The following TNRC6B variants were observed in gnomAD, a reference collection of about 807,000 sequenced individuals.
TNRC6B encodes trinucleotide repeat containing adaptor 6B, also known as trinucleotide repeat-containing gene 6B protein.
A neutral mutation model predicts 203.6 loss-of-function variants in TNRC6B; 52 were observed. The ratio of observed to expected loss-of-function variants is 0.26; its 90% CI spans 0.20 to 0.32. The LOEUF (loss-of-function observed/expected upper bound fraction) is 0.32, where lower values mean the gene tolerates loss of function less well. Ranked by LOEUF, TNRC6B falls within the 10% of genes least tolerant of loss-of-function variation. The pLI is 1.00. For missense variants in TNRC6B, 1,923 were observed against 2,286.2 expected (o/e 0.84, Z 3.24); for synonymous variants, 838 against 845.7 (o/e 0.99, Z 0.16).
In TNRC6B at chr22:40,324,138, G is replaced by A. The variant is rs2071374409; in HGVS notation, c.*897G>A. On this transcript the variant is annotated 3_prime_UTR_variant, in exon 23 of 23. Coordinates refer to ENST00000454349, the MANE Select transcript of TNRC6B (RefSeq NM_001162501.2). The stretch of plus-strand genomic sequence containing the variant: ...TAAGATGAACAGAGTGCTTTTTAAT[G>A]ATGAAAGCAGGGAGCTCCTTTCCAT... 1 of 152,632 alleles carries A rather than the reference G, an allele frequency of 6.6e-6. No homozygotes were observed. The highest frequency in any genetic ancestry group is 1.5e-5 in the Non-Finnish European group (1 of 68,030). The allele number at this position is 152,632 out of a possible 1,614,324, so 9.5% of individuals were successfully genotyped here.
chr22:40,072,467 A>C (rs1354628159), intron 1 of TNRC6B, among the ~76,000 whole-genome samples: 2 of 152,200 alleles, frequency 1.3e-5, no homozygotes, highest in Non-Finnish European at 2.9e-5. Flanking sequence ...GCATTTAAAC[A>C]TGAATGTCCT....
At chr22:40,141,170 C>T (rs2068641175) in intron 3 of TNRC6B, among the ~76,000 whole-genome samples, 1 of 134,938 alleles carries the variant, frequency 7.4e-6, no homozygotes, top group Non-Finnish European at 1.6e-5. Flanking sequence ...GTGGAGTTAA[C>T]TTCTTTCCAT....
intron 2 of TNRC6B, among the ~76,000 whole-genome samples, chr22:40,119,453 A>G (rs1312741188): frequency 6.6e-6 from 1 of 152,158 alleles, no homozygotes; most frequent in Non-Finnish European, 1.5e-5. Flanking sequence ...GCGTGGTGGC[A>G]CGTGCCTGTA....
intron 1 of TNRC6B, among the ~76,000 whole-genome samples, chr22:40,085,875 T>A (rs574030300): frequency 1.2e-4 from 18 of 151,904 alleles, no homozygotes; most frequent in Admixed American, 2.0e-4. Context: ...GTTGTTGTTG[T>A]TGTTGTTGTT....
chr22:40,067,259 T>C (rs908593473), intron 1 of TNRC6B, among the ~76,000 whole-genome samples: 2 of 152,122 alleles, frequency 1.3e-5, no homozygotes, highest in African/African-American at 2.4e-5. Context: ...TATAATGCCT[T>C]CGTAAGTTTA....
intron 1 of TNRC6B, among the ~76,000 whole-genome samples, chr22:40,055,725 C>G (rs1446025272): frequency 6.6e-6 from 1 of 152,162 alleles, no homozygotes; most frequent in African/African-American, 2.4e-5. Flanking sequence ...AGTGGTGACT[C>G]ATTTAAGCTT....
At chr22:40,233,062 C>T (rs867395591) in intron 1 of TNRC6B, among the ~76,000 whole-genome samples, 2 of 151,928 alleles carry the variant, frequency 1.3e-5, no homozygotes, top group East Asian at 1.9e-4. Context: ...GCAGGAGAAT[C>T]GCTTGCACCC....
chr22:40,266,192 G>C lies in TNRC6B; in HGVS notation c.1962G>C (p.Glu654Asp). The C allele has an allele frequency of 6.2e-7, 1 of 1,612,854 alleles. No individual in the cohort carries two copies. The highest frequency in any genetic ancestry group is 8.5e-7 in the Non-Finnish European group (1 of 1,179,354). The change falls in exon 5 of 23, where the codon GAG (glutamate) becomes GAC (aspartate). Residue 654 changes from glutamate (E) to aspartate (D), a missense_variant. By Grantham distance (45) the Glu-to-Asp change is conservative. Around this residue, in one of 8 missense-constraint regions of TNRC6B, gnomAD observed 38 missense variants for 70.3 expected, o/e 0.54. Transcript: ENST00000454349. ...CTGACAAAGGAACTGAGGGGTGGGA[G>C]AGCGCTGCCACACAGACCAAGAACT... ...GKSDKGTEGW[E>D]SAATQTKNSG...
At chr22:40,075,035 GT>G (rs1426461351) in intron 1 of TNRC6B, among the ~76,000 whole-genome samples, 1 of 150,490 alleles carries the variant, frequency 6.6e-6, no homozygotes, top group Non-Finnish European at 1.5e-5. Context: ...GGTCTTCTTT[GT>G]GAATAGTTCT....
chr22:40,254,774 C>G (rs1461265949), intron 3 of TNRC6B, among the ~76,000 whole-genome samples: 1 of 152,130 alleles, frequency 6.6e-6, no homozygotes, highest in Non-Finnish European at 1.5e-5. Flanking sequence ...GTAGTCCCAA[C>G]TACTCAGGAG....
At chr22:40,243,149 G>C (rs1018785091) in intron 1 of TNRC6B, among the ~76,000 whole-genome samples, 1 of 152,146 alleles carries the variant, frequency 6.6e-6, no homozygotes, top group African/African-American at 2.4e-5. Flanking sequence ...GATTACAGGC[G>C]TGAGCCACCG....
In TNRC6B at chr22:40,264,704, T is replaced by C. The variant is rs746434564; in HGVS notation, c.474T>C (p.Gly158=). Residue 158 remains glycine (G), a synonymous_variant, in exon 5 of 23, where the codon GGT becomes GGC. Coordinates refer to ENST00000454349, the MANE Select transcript of TNRC6B (RefSeq NM_001162501.2). The stretch of plus-strand genomic sequence containing the variant: ...GTTCCCCAGACTCAACCCTTGGAGG[T>C]GCTGCTGCTTCAAATTATGCAAATT... The part of the protein sequence containing the change: ...SGTAPDSTLG[G]AAASNYANST... 7 of 1,594,786 alleles carry C rather than the reference T, an allele frequency of 4.4e-6. No homozygotes were observed. Among genetic ancestry groups the C allele is most frequent in the Non-Finnish European group, 6.0e-6 (7 of 1,169,376 alleles).
At chr22:40,258,507 G>A (rs1304201723) in intron 3 of TNRC6B, among the ~76,000 whole-genome samples, 1 of 152,176 alleles carries the variant, frequency 6.6e-6, no homozygotes, top group Non-Finnish European at 1.5e-5. Flanking sequence ...AAAAAATAGA[G>A]TAAGAATTCA....
chr22:40,277,251 G>C, intron 8 of TNRC6B, 100 bp downstream of exon 8: 5 of 836,952 alleles, frequency 6.0e-6, no homozygotes, highest in Non-Finnish European at 8.8e-6. Flanking sequence ...CAAAATTAAA[G>C]ATTTAAAAAC....
chr22:40,221,115 C>G (rs987172461), intron 1 of TNRC6B, among the ~76,000 whole-genome samples: 4 of 152,204 alleles, frequency 2.6e-5, no homozygotes, highest in African/African-American at 9.7e-5. Context: ...TGTAGCATTC[C>G]TTCTTGGGTC....
chr22:40,125,610 C>CT (rs1421012983), intron 2 of TNRC6B, among the ~76,000 whole-genome samples: 14 of 152,260 alleles, frequency 9.2e-5, no homozygotes, highest in Admixed American at 7.8e-4. Flanking sequence ...CCTTTCTTAC[C>CT]TTTAAGATGC....
chr22:40,217,219 G>A (rs2069647205), intron 1 of TNRC6B, among the ~76,000 whole-genome samples: 1 of 152,110 alleles, frequency 6.6e-6, no homozygotes, highest in African/African-American at 2.4e-5. Context: ...GAATAAAAAA[G>A]TAGAGACTAC....
chr22:40,282,993 G>A (rs2070736885), intron 11 of TNRC6B, among the ~76,000 whole-genome samples: 1 of 151,822 alleles, frequency 6.6e-6, no homozygotes, highest in African/African-American at 2.4e-5. Flanking sequence ...ATATACAAGT[G>A]CCTTTTTTCT....
intron 15 of TNRC6B, 132 bp downstream of exon 15, chr22:40,301,465 T>A: frequency 1.0e-6 from 1 of 1,004,130 alleles, no homozygotes; most frequent in Middle Eastern, 2.7e-4. Context: ...ATCCCTGGTT[T>A]ACAGATGAGA....
Sources: gnomAD v4.1 joint callset for allele counts (sites outside exome capture counted in the v4.1 genomes callset) on GRCh38, gnomAD v4.1.1 for gene constraint, gnomAD v4.1.1 regional missense constraint, MANE v1.5 for transcripts, NCBI Gene and HGNC (gene_info 2026-07-23, HGNC 2026-07-21) for gene names.